Variants in KLHL6 observed in about 807,000 individuals in gnomAD.
KLHL6 encodes kelch-like protein 6.
A neutral mutation model predicts 58.6 loss-of-function variants in KLHL6; 41 were observed. The observed-to-expected ratio is 0.70, with a 90% CI of 0.55 to 0.91. KLHL6 has a LOEUF of 0.91. KLHL6 is among the 40% of genes least tolerant of loss of function. KLHL6 has a pLI of 0.00. For missense variants in KLHL6, 714 were observed against 805.6 expected, an observed-to-expected ratio of 0.89 and a Z score of 1.38; for synonymous variants, 338 against 322.7, an observed-to-expected ratio of 1.05 and a Z score of -0.51.
chr3:183,519,287 C>T (rs1037139333), intron 2 of KLHL6, among the ~76,000 whole-genome samples: 2 of 152,036 alleles, frequency 1.3e-5, no homozygotes, highest in Admixed American at 1.3e-4. Context: ...CTGCAAGGAC[C>T]AATGACCAGA....
At chr3:183,525,502 A>T (rs1276340292) in intron 2 of KLHL6, among the ~76,000 whole-genome samples, 1 of 152,170 alleles carries the variant, frequency 6.6e-6, no homozygotes, top group African/African-American at 2.4e-5. Flanking sequence ...TAACTTCATA[A>T]TAGCTTTCCC....
At chr3:183,540,605 T>C (rs1416154252) in intron 1 of KLHL6, among the ~76,000 whole-genome samples, 5 of 152,212 alleles carry the variant, frequency 3.3e-5, no homozygotes, top group Middle Eastern at 3.4e-3. Flanking sequence ...AAGATCTCTC[T>C]GTTGCCCAGG....
intron 2 of KLHL6, among the ~76,000 whole-genome samples, chr3:183,514,055 C>T (rs1718262043): frequency 6.6e-6 from 1 of 152,174 alleles, no homozygotes; most frequent in Non-Finnish European, 1.5e-5. Context: ...TGAACTCATC[C>T]TTTTTTATGG....
rs372477465 is a variant in KLHL6, at chr3:183,501,190, T to G, written c.910-1363A>C. 5.3e-5 allele frequency among the ~76,000 whole-genome samples: 8 copies of G among 152,262 alleles called. No individual in the cohort carries two copies. In the East Asian group the frequency reaches 7.7e-4, roughly 15 times the overall value. On this transcript the variant is annotated intron_variant, in intron 3 of 6. Coordinates refer to ENST00000341319, the MANE Select transcript of KLHL6 (RefSeq NM_130446.4). ...TATGGACAGCAGAACAGTGCCGGGATAAGGGTGAAGGGGTGGGCCAGGGAA... is the reference window on the plus strand; with the variant it reads ...TATGGACAGCAGAACAGTGCCGGGAGAAGGGTGAAGGGGTGGGCCAGGGAA...
chr3:183,540,262 T>C (rs6793574), intron 1 of KLHL6, among the ~76,000 whole-genome samples: 5,064 of 152,262 alleles, frequency 0.033, 273 homozygotes, highest in African/African-American at 0.11. Context: ...AGATGCTGGC[T>C]ACCTGCTTGT....
chr3:183,495,079 A>G (rs1717677482), intron 4 of KLHL6, among the ~76,000 whole-genome samples: 1 of 152,240 alleles, frequency 6.6e-6, no homozygotes, highest in African/African-American at 2.4e-5. Context: ...TACTTAAAGC[A>G]AAGATTTACT....
At chr3:183,494,511 A>G (rs1245117639) in intron 4 of KLHL6, among the ~76,000 whole-genome samples, 2 of 152,180 alleles carry the variant, frequency 1.3e-5, no homozygotes, top group Non-Finnish European at 2.9e-5. Flanking sequence ...TGTCCACCTC[A>G]GTGCTGCGAG....
At chr3:183,513,094 C>T (rs747730597) in intron 2 of KLHL6, among the ~76,000 whole-genome samples, 17 of 152,046 alleles carry the variant, frequency 1.1e-4, no homozygotes, top group Non-Finnish European at 2.4e-4. Context: ...CTATACTGAG[C>T]ATGAACATTA....
intron 5 of KLHL6, chr3:183,493,153 G>A: frequency 5.1e-6 from 1 of 195,150 alleles, no homozygotes. Context: ...GGTGGCCACA[G>A]GTAAGCAGAC....
intron 4 of KLHL6, among the ~76,000 whole-genome samples, chr3:183,495,285 T>A (rs1355999240): frequency 6.6e-6 from 1 of 152,224 alleles, no homozygotes; most frequent in Non-Finnish European, 1.5e-5. Context: ...CCACTTTTTG[T>A]TGGTGGTGGT....
intron 2 of KLHL6, among the ~76,000 whole-genome samples, chr3:183,511,684 G>C (rs1489424542): frequency 1.3e-5 from 2 of 152,138 alleles, no homozygotes; most frequent in Non-Finnish European, 2.9e-5. Flanking sequence ...CTTTTACCGA[G>C]CATACTGCCT....
At chr3:183,508,018 A>T (rs781573676) in intron 3 of KLHL6, 41 bp downstream of exon 3, 52 of 1,563,886 alleles carry the variant, frequency 3.3e-5, no homozygotes, top group Non-Finnish European at 4.4e-5. Flanking sequence ...CTAACTCCTT[A>T]CTTCGCTGGT....
Position 183,499,113 on chromosome 3 carries a change from T to C in KLHL6, c.1147+477A>G, listed in dbSNP as rs111813726. On this transcript the variant is annotated intron_variant, in intron 4 of 6. Coordinates refer to ENST00000341319, the MANE Select transcript of KLHL6 (RefSeq NM_130446.4). The surrounding 1 kb of genome is among the most constrained non-coding windows in gnomAD (Gnocchi z 4.6). ...TCCCAGCACTTTGGGAGGCCGAAGC[T>C]GGTGCATCACCTATGGTCAGGAGTT... 0.017 allele frequency among the ~76,000 whole-genome samples: 2,571 copies of C among 152,246 alleles called. 62 individuals are homozygous for C. The highest frequency in any genetic ancestry group is 0.058 in the African/African-American group (2,420 of 41,552).
chr3:183,529,250 C>T (rs1396438719), intron 1 of KLHL6, among the ~76,000 whole-genome samples: 1 of 151,932 alleles, frequency 6.6e-6, no homozygotes, highest in East Asian at 1.9e-4. Flanking sequence ...CTCCCCATGA[C>T]ATAAGTTTAC....
At chr3:183,511,975 C>G (rs1718201046) in intron 2 of KLHL6, among the ~76,000 whole-genome samples, 2 of 152,226 alleles carry the variant, frequency 1.3e-5, no homozygotes, top group South Asian at 4.1e-4. Context: ...AACCCCATGT[C>G]TGCTGGTCTC....
intron 1 of KLHL6, among the ~76,000 whole-genome samples, chr3:183,539,778 C>T (rs1454595902): frequency 6.6e-6 from 1 of 151,862 alleles, no homozygotes; most frequent in Non-Finnish European, 1.5e-5. Context: ...TCCTCAAGGA[C>T]ACTGCCCACG....
intron 1 of KLHL6, among the ~76,000 whole-genome samples, chr3:183,536,037 G>A (rs1307665283): frequency 1.3e-5 from 2 of 152,352 alleles, no homozygotes; most frequent in East Asian, 3.9e-4. Flanking sequence ...GGCTCCCAAA[G>A]TGCTGGGATT....
chr3:183,520,613 G>A (rs530013081), intron 2 of KLHL6: 56 of 151,986 alleles, frequency 3.7e-4, no homozygotes, highest in Non-Finnish European at 7.6e-4. Flanking sequence ...GCAGGAAAAC[G>A]TGTGAGCAAA....
intron 1 of KLHL6, among the ~76,000 whole-genome samples, chr3:183,541,114 A>G (rs1712538285): frequency 6.6e-6 from 1 of 152,196 alleles, no homozygotes; most frequent in Non-Finnish European, 1.5e-5. Flanking sequence ...CCACTTAGAA[A>G]CTTGCAAGCT....
Sources: allele counts gnomAD v4.1 joint callset (sites outside exome capture counted in the v4.1 genomes callset), GRCh38; gene constraint gnomAD v4.1.1; non-coding constraint Gnocchi (gnomAD v3.1); transcripts MANE v1.5; gene names NCBI Gene and HGNC (gene_info 2026-07-23, HGNC 2026-07-21).